NUTM2G: variants seen among roughly 807,000 people sequenced by gnomAD.
NUTM2G encodes NUT family member 2G, also known as family with sequence similarity 22, member G.
A neutral mutation model predicts 44.3 loss-of-function variants in NUTM2G; 29 were observed. The ratio of observed to expected loss-of-function variants is 0.66; its 90% CI spans 0.49 to 0.89. The LOEUF is 0.89. Ranked by LOEUF, NUTM2G falls within the 40% of genes least tolerant of loss-of-function variation. The pLI, the probability that NUTM2G is intolerant of heterozygous loss-of-function variation, is 0.00. For synonymous variants in NUTM2G, 205 were observed against 395.9 expected (o/e 0.52, Z 5.72); for missense variants, 502 against 946.5 (o/e 0.53, Z 6.16).
intron 6 of NUTM2G, 41 bp downstream of exon 6, chr9:96,938,042 C>T: frequency 1.2e-6 from 2 of 1,611,492 alleles, no homozygotes; most frequent in South Asian, 1.1e-5. Flanking sequence ...ACTCCAGGGG[C>T]AGGAGGGACC....
At chr9:96,935,221 C>T (rs1326113334) in intron 2 of NUTM2G, 107 bp from the exon 3 acceptor site, 2 of 1,524,826 alleles carry the variant, frequency 1.3e-6, no homozygotes, top group Admixed American at 3.8e-5. Context: ...AGGACAGGGA[C>T]AGATGGCAGG....
At position 96,936,847 on chromosome 9, in the gene NUTM2G, G is replaced by A. The variant is rs913343; in HGVS notation, c.983-217G>A. 7.3e-3 allele frequency among the ~76,000 whole-genome samples: 1,119 copies of A among 152,310 alleles called. 16 individuals are homozygous for A. The highest frequency in any genetic ancestry group is 0.025 in the African/African-American group (1,041 of 41,554). On this transcript the variant is annotated intron_variant, in intron 4 of 6. Coordinates refer to ENST00000372322, the MANE Select transcript of NUTM2G (RefSeq NM_001170741.3). Reference sequence around the variant, plus strand: ...TCTGCCCAGGAAGCAGAGATGAGCCGGGAGAGTACACGGCATATCGGTGGC... The same window carrying A: ...TCTGCCCAGGAAGCAGAGATGAGCCAGGAGAGTACACGGCATATCGGTGGC...
At chr9:96,936,125 C>T (rs1024206942) in intron 3 of NUTM2G, among the ~76,000 whole-genome samples, 2 of 149,582 alleles carry the variant, frequency 1.3e-5, no homozygotes, top group African/African-American at 4.9e-5. Context: ...CTGCCATCAA[C>T]CCCACCCCCG....
At position 96,936,482 on chromosome 9, in the gene NUTM2G, G is replaced by A. The variant is rs770207657; in HGVS notation, c.900G>A (p.Lys300=). 25 of 1,561,674 alleles carry A rather than the reference G, an allele frequency of 1.6e-5. No homozygotes were observed. In the South Asian group the frequency reaches 2.7e-4, roughly 17 times the overall value. ...EMQIQKSQWM[K]GPQSLPPPAP... ...AGATTCAGAAATCGCAGTGGATGAA[G>A]GGGCCCCAGAGCCTGCCTCCTCCAG... The change falls in exon 4 of 7, where the codon AAG becomes AAA. Residue 300 remains lysine (K), a synonymous_variant. Coordinates refer to ENST00000372322, the MANE Select transcript of NUTM2G (RefSeq NM_001170741.3).
intron 5 of NUTM2G, 104 bp from the exon 6 acceptor site, chr9:96,937,781 G>A: frequency 2.7e-6 from 4 of 1,463,046 alleles, no homozygotes; most frequent in South Asian, 1.1e-5. Flanking sequence ...GCCCCAGGAG[G>A]GTGGGAATGG....
In NUTM2G at chr9:96,935,494, G is replaced by T. The variant is rs370731998; in HGVS notation, c.842+38G>T. On this transcript the variant is annotated intron_variant, in intron 3 of 6. Coordinates refer to ENST00000372322, the MANE Select transcript of NUTM2G (RefSeq NM_001170741.3). ...TCCTGGGGGCAGGGCCCGTGTGGCGGGGTGAGAGTGAATGACAGAGGCCCG... is the reference window on the plus strand; with the variant it reads ...TCCTGGGGGCAGGGCCCGTGTGGCGTGGTGAGAGTGAATGACAGAGGCCCG... 6.8e-6 allele frequency: 11 copies of T among 1,611,786 alleles called. No individual in the cohort carries two copies. In the African/African-American group the frequency reaches 1.5e-4, roughly 22 times the overall value.
At chr9:96,932,450 T>C (rs1299866845) in intron 2 of NUTM2G, 32 bp downstream of exon 2, 3 of 1,360,352 alleles carry the variant, frequency 2.2e-6, no homozygotes, top group Non-Finnish European at 3.1e-6. Flanking sequence ...GAGCTTGTCC[T>C]GCAGCTCACT....
In NUTM2G at chr9:96,935,430, G is replaced by A. The variant is rs1158158710; in HGVS notation, c.816G>A (p.Arg272=). 1 of 1,611,972 alleles carries A rather than the reference G, an allele frequency of 6.2e-7. No homozygotes were observed. The highest frequency in any genetic ancestry group is 8.5e-7 in the Non-Finnish European group (1 of 1,179,882). Residue 272 remains arginine (R), a synonymous_variant, in exon 3 of 7, where the codon CGG becomes CGA. Transcript: ENST00000372322. Reference sequence around the variant, plus strand: ...GGCAGCACACGAGCAACTTTGACCGGATGATTTTCTACGAGATGGCGGCAA... The same window carrying A: ...GGCAGCACACGAGCAACTTTGACCGAATGATTTTCTACGAGATGGCGGCAA... ...REWQHTSNFD[R]MIFYEMAAKF...
rs1826525922 is a variant in NUTM2G at position 96,938,642 on chromosome 9, G to A, written c.1719G>A (p.Lys573=). 1 of 1,601,978 alleles carries A rather than the reference G, an allele frequency of 6.2e-7. No homozygotes were observed. Among genetic ancestry groups the A allele is most frequent in the Non-Finnish European group, 8.5e-7 (1 of 1,179,404 alleles). The change falls in exon 7 of 7, where the codon AAG becomes AAA. Residue 573 remains lysine (K), a synonymous_variant. Transcript: ENST00000372322. Reference sequence around the variant, plus strand: ...GATGTCAGGACTCCCCCAGGCTGAAGGCTGTCCGGCCAACCTCTCCTCCCC... The same window carrying A: ...GATGTCAGGACTCCCCCAGGCTGAAAGCTGTCCGGCCAACCTCTCCTCCCC... The part of the protein sequence containing the change: ...LLGCQDSPRL[K]AVRPTSPPQD...
At chr9:96,931,368 C>T (rs1446936214) in intron 1 of NUTM2G, among the ~76,000 whole-genome samples, 1 of 150,884 alleles carries the variant, frequency 6.6e-6, no homozygotes, top group Non-Finnish European at 1.5e-5. Flanking sequence ...GCTGAGCACA[C>T]TGAGAGCCAC....
downstream of NUTM2G, chr9:96,942,690 T>TA (rs773706143): frequency 8.4e-5 from 12 of 143,214 alleles, no homozygotes; most frequent in Non-Finnish European, 1.6e-4. Flanking sequence ...GTTTCCTTTG[T>TA]CTTAGTTCAT....
intron 4 of NUTM2G, among the ~76,000 whole-genome samples, chr9:96,936,790 CT>C (rs1363528223): frequency 1.8e-4 from 28 of 152,220 alleles, no homozygotes; most frequent in Non-Finnish European, 1.5e-5. Flanking sequence ...TACTTTCTCT[CT>C]CCCCTTGCCT....
intron 1 of NUTM2G, 43 bp downstream of exon 1, chr9:96,929,083 T>A: frequency 6.2e-7 from 1 of 1,611,178 alleles, no homozygotes; most frequent in Non-Finnish European, 8.5e-7. Flanking sequence ...CTGCCTTGCC[T>A]CAACTCCTTG....
chr9:96,932,652 A>ATT (rs34371040), intron 2 of NUTM2G, among the ~76,000 whole-genome samples: 13 of 130,142 alleles, frequency 1.0e-4, no homozygotes, highest in Admixed American at 1.5e-4. Flanking sequence ...CCAATCCTTA[A>ATT]TTTTTTTTTT....
At chr9:96,939,741 TGAG>T, downstream of NUTM2G, 1 of 1,092 alleles carries the variant, frequency 9.2e-4, no homozygotes, top group Non-Finnish European at 1.3e-3. Context: ...CGGTGGGAGC[TGAG>T]GAGAAGGCAG....
chr9:96,937,913 T>C lies in NUTM2G; in HGVS notation c.1352T>C (p.Leu451Pro), dbSNP rs781006335. 3.1e-6 allele frequency: 5 copies of C among 1,611,744 alleles called. No homozygotes were observed. The highest frequency in any genetic ancestry group is 1.1e-5 in the South Asian group (1 of 90,974). ...GAGGCCGTCATTCACCCCCGATTCCTGGAAGAATTGCTTTCCCCAGATCCA... is the reference window on the plus strand; with the variant it reads ...GAGGCCGTCATTCACCCCCGATTCCCGGAAGAATTGCTTTCCCCAGATCCA... Reference protein sequence around the residue: ...KVEAVIHPRFLEELLSPDPQM... With the variant: ...KVEAVIHPRFPEELLSPDPQM... Residue 451 changes from leucine to proline, a missense_variant, in exon 6 of 7, where the codon CTG becomes CCG. Transcript: ENST00000372322.
chr9:96,931,786 T>C lies in NUTM2G; in HGVS notation c.81T>C (p.Ala27=). The C allele has an allele frequency of 6.2e-7, 1 of 1,611,700 alleles. No homozygotes were observed. Among genetic ancestry groups the C allele is most frequent in the Non-Finnish European group, 8.5e-7 (1 of 1,179,850 alleles). The change falls in exon 2 of 7, where the codon GCT becomes GCC. Residue 27 remains alanine (A), a synonymous_variant. Coordinates refer to ENST00000372322, the MANE Select transcript of NUTM2G (RefSeq NM_001170741.3). ...NPGTSLSVFT[A]LPFATPSPGP... ...GCACCTCCCTGTCTGTGTTCACGGC[T>C]CTGCCCTTTGCCACACCCTCTCCCG...
chr9:96,935,645 C>G (rs1279592594), intron 3 of NUTM2G, among the ~76,000 whole-genome samples, 189 bp downstream of exon 3: 1 of 152,186 alleles, frequency 6.6e-6, no homozygotes, highest in African/African-American at 2.4e-5. Flanking sequence ...CTCTGTCCCG[C>G]CCTCTTGGGA....
rs760351917 is a variant in NUTM2G, at chr9:96,931,906, A to G, written c.201A>G (p.Gly67=). ...TCCCCAGCACCCCTCTAGTGGCAGG[A>G]CAGGATGGCCGCGGCCCAAGTGGGG... is the stretch of plus-strand genomic sequence containing the variant. ...SAFPSTPLVA[G]QDGRGPSGAG... is the part of the protein sequence containing the mutation. Residue 67 remains glycine (G), a synonymous_variant, in exon 2 of 7, where the codon GGA becomes GGG. Transcript: ENST00000372322. The G allele has an allele frequency of 4.1e-5, 66 of 1,611,922 alleles. No individual in the cohort carries two copies. The highest frequency in any genetic ancestry group is 5.3e-5 in the Non-Finnish European group (62 of 1,179,810).
Sources: allele counts gnomAD v4.1 joint callset (sites outside exome capture counted in the v4.1 genomes callset), GRCh38; gene constraint gnomAD v4.1.1; transcripts MANE v1.5; gene names NCBI Gene and HGNC (gene_info 2026-07-23, HGNC 2026-07-21).